The following DOK5 variants were observed in gnomAD, a reference collection of about 807,000 sequenced individuals.
The protein encoded by DOK5 is docking protein 5.
DOK5 carries 27 observed loss-of-function variants against 43.3 expected under a neutral mutation model. The ratio of observed to expected loss-of-function variants is 0.62; its 90% CI spans 0.46 to 0.86. The LOEUF (loss-of-function observed/expected upper bound fraction) is 0.86, where lower values mean the gene tolerates loss of function less well. Among genes scored for constraint, DOK5 ranks in the 40% least tolerant of loss-of-function variants. The pLI is 0.00. For missense variants in DOK5, 373 were observed against 392.9 expected (o/e 0.95, Z 0.43); for synonymous variants, 146 against 140.1 (o/e 1.04, Z -0.30).
chr20:54,554,788 T>C, intron 1 of DOK5, 145 bp from the exon 2 acceptor site: 1 of 595,154 alleles, frequency 1.7e-6, no homozygotes, highest in East Asian at 2.8e-5. Context: ...GAAACAATTT[T>C]GATTTTTAAA....
intron 6 of DOK5, among the ~76,000 whole-genome samples, chr20:54,636,782 A>G (rs867398814): frequency 2.6e-5 from 4 of 152,246 alleles, no homozygotes; most frequent in Middle Eastern, 3.4e-3. Flanking sequence ...AATTGATTTT[A>G]TTTGTGCAAT....
chr20:54,501,057 A>G (rs1183186286), intron 1 of DOK5, among the ~76,000 whole-genome samples: 1 of 152,168 alleles, frequency 6.6e-6, no homozygotes, highest in Admixed American at 6.5e-5. Flanking sequence ...GTTTCCTTGG[A>G]ATGGATGTGA....
intron 1 of DOK5, among the ~76,000 whole-genome samples, chr20:54,504,275 G>A (rs2146681035): frequency 6.6e-6 from 1 of 152,218 alleles, no homozygotes; most frequent in Admixed American, 6.5e-5. Context: ...CCTGTGCAAG[G>A]AAAGCAATTC....
chr20:54,598,390 G>A (rs977304164), intron 5 of DOK5, among the ~76,000 whole-genome samples: 3 of 152,076 alleles, frequency 2.0e-5, no homozygotes, highest in African/African-American at 7.2e-5. Context: ...AGACTGGCAG[G>A]GGCACTAATT....
At chr20:54,562,954 C>T (rs1984958543) in intron 2 of DOK5, among the ~76,000 whole-genome samples, 1 of 152,148 alleles carries the variant, frequency 6.6e-6, no homozygotes, top group Admixed American at 6.6e-5. Flanking sequence ...ATTCAAGTTG[C>T]TGTGGGATTA....
chr20:54,478,381 G>A (rs1263194828), intron 1 of DOK5, among the ~76,000 whole-genome samples: 1 of 152,188 alleles, frequency 6.6e-6, no homozygotes, highest in Non-Finnish European at 1.5e-5. Context: ...AGAACAGCAT[G>A]CGACATGTAT....
chr20:54,535,693 T>G (rs755168337), intron 1 of DOK5, among the ~76,000 whole-genome samples: 1 of 152,152 alleles, frequency 6.6e-6, no homozygotes, highest in Non-Finnish European at 1.5e-5. Context: ...ATGTGACAAA[T>G]GGCCAGCAGA....
chr20:54,555,211 A>T (rs1038074715), intron 2 of DOK5, 171 bp downstream of exon 2: 15 of 578,610 alleles, frequency 2.6e-5, no homozygotes, highest in Non-Finnish European at 4.6e-5. Flanking sequence ...GTAATTGACT[A>T]ATGTAAAGTC....
chr20:54,561,874 C>T (rs968456252), intron 2 of DOK5, among the ~76,000 whole-genome samples: 1 of 152,182 alleles, frequency 6.6e-6, no homozygotes, highest in Non-Finnish European at 1.5e-5. Context: ...TCAGTCTGGT[C>T]TCGAACTCCC....
intron 5 of DOK5, among the ~76,000 whole-genome samples, chr20:54,593,278 A>G (rs1260228549): frequency 6.6e-6 from 1 of 151,802 alleles, no homozygotes; most frequent in Non-Finnish European, 1.5e-5. Flanking sequence ...AAAAAATTAC[A>G]TTTTAAATAA....
chr20:54,531,468 C>T (rs1284094128), intron 1 of DOK5, among the ~76,000 whole-genome samples: 1 of 152,140 alleles, frequency 6.6e-6, no homozygotes, highest in East Asian at 1.9e-4. Context: ...CATTTTATAA[C>T]AAATCAGAGT....
At chr20:54,621,312 A>G (rs777561675) in intron 6 of DOK5, among the ~76,000 whole-genome samples, 27 of 152,224 alleles carry the variant, frequency 1.8e-4, no homozygotes, top group Admixed American at 3.3e-4. Flanking sequence ...GGAAAAAGAA[A>G]CAGTGGTTGA....
intron 1 of DOK5, among the ~76,000 whole-genome samples, chr20:54,527,064 A>G (rs1983602050): frequency 6.6e-6 from 1 of 152,222 alleles, no homozygotes; most frequent in Non-Finnish European, 1.5e-5. Flanking sequence ...TTTTAGAGGA[A>G]AGAACAATTC....
intron 7 of DOK5, among the ~76,000 whole-genome samples, chr20:54,645,025 TGA>T (rs1351925371): frequency 2.2e-5 from 2 of 90,812 alleles, no homozygotes; most frequent in East Asian, 4.0e-4. Flanking sequence ...TTTTTTTTTT[TGA>T]GACAGAGTCT....
intron 1 of DOK5, among the ~76,000 whole-genome samples, chr20:54,536,066 G>A (rs906551238): frequency 2.0e-5 from 3 of 152,114 alleles, no homozygotes; most frequent in African/African-American, 7.2e-5. Flanking sequence ...ACTCTTCCAG[G>A]CCTTGAGGAT....
In DOK5 at chr20:54,503,735, T is replaced by C. The variant is rs1208808121; in HGVS notation, c.66+27723T>C. On this transcript the variant is annotated intron_variant, in intron 1 of 7. Coordinates refer to ENST00000262593, the MANE Select transcript of DOK5 (RefSeq NM_018431.5). ...AATTAGAGGTTTGGTTTGGGGATTT[T>C]GGGGATTATTTCTTTTGCACTTGTA... 2.0e-5 allele frequency among the ~76,000 whole-genome samples: 3 copies of C among 151,950 alleles called. No homozygotes were observed. In the South Asian group the frequency reaches 6.2e-4, roughly 31 times the overall value.
chr20:54,588,914 T>C (rs1252798631), intron 4 of DOK5, 108 bp downstream of exon 4: 22 of 1,176,380 alleles, frequency 1.9e-5, no homozygotes, highest in Non-Finnish European at 2.6e-5. Context: ...TAAAAATGTA[T>C]AAAGAAATAA....
chr20:54,640,006 A>G (rs896358311), intron 6 of DOK5, among the ~76,000 whole-genome samples: 2 of 152,172 alleles, frequency 1.3e-5, no homozygotes, highest in African/African-American at 4.8e-5. Context: ...GCCAAATGGG[A>G]CCCAGCCTGG....
chr20:54,501,527 T>A (rs1982609775), intron 1 of DOK5, among the ~76,000 whole-genome samples: 2 of 146,348 alleles, frequency 1.4e-5, no homozygotes, highest in Non-Finnish European at 3.0e-5. Flanking sequence ...AATCTGGCAG[T>A]GGGCCACAGA....
Sources: allele counts gnomAD v4.1 joint callset (sites outside exome capture counted in the v4.1 genomes callset), GRCh38; gene constraint gnomAD v4.1.1; transcripts MANE v1.5; gene names NCBI Gene and HGNC (gene_info 2026-07-23, HGNC 2026-07-21).